MBNL1: variants seen among roughly 807,000 people sequenced by gnomAD.
MBNL1 encodes the protein muscleblind-like protein 1.
MBNL1 carries 8 observed loss-of-function variants against 42.2 expected under a neutral mutation model. The ratio of observed to expected loss-of-function variants is 0.19; its 90% confidence interval spans 0.11 to 0.34. The LOEUF (loss-of-function observed/expected upper bound fraction) is 0.34, where lower values mean the gene tolerates loss of function less well. Among genes scored for constraint, MBNL1 ranks in the 10% least tolerant of loss-of-function variants. The probability of loss-of-function intolerance (pLI) is 1.00; values close to 1 mark genes in which losing one functional copy is unlikely to be tolerated. For synonymous variants in MBNL1, 169 were observed against 173.9 expected, an observed-to-expected ratio of 0.97 and a Z score of 0.22; for missense variants, 309 against 495.3, an observed-to-expected ratio of 0.62 and a Z score of 3.57.
At chr3:152,422,013 C>T (rs1473206473) in intron 3 of MBNL1, among the ~76,000 whole-genome samples, 4 of 151,132 alleles carry the variant, frequency 2.6e-5, no homozygotes, top group Non-Finnish European at 5.9e-5. Flanking sequence ...TATGAAGAAA[C>T]TGCATCAACT....
intron 6 of MBNL1, 98 bp from the exon 7 acceptor site, chr3:152,455,444 C>T: frequency 2.0e-6 from 2 of 977,486 alleles, no homozygotes; most frequent in African/African-American, 3.2e-5. Flanking sequence ...AATTTTTCTT[C>T]TTTGTTCAAA....
intron 1 of MBNL1, among the ~76,000 whole-genome samples, chr3:152,291,456 T>C (rs1335448081): frequency 6.6e-6 from 1 of 152,250 alleles, no homozygotes; most frequent in African/African-American, 2.4e-5. Context: ...CGTTTGATGC[T>C]GGTTTCATTC....
At chr3:152,453,756 A>G (rs1005245152) in intron 6 of MBNL1, among the ~76,000 whole-genome samples, 2 of 152,212 alleles carry the variant, frequency 1.3e-5, no homozygotes, top group Non-Finnish European at 2.9e-5. Context: ...AATTCAAACT[A>G]AAATTCAAAT....
At chr3:152,321,940 T>G (rs1359208844) in intron 2 of MBNL1, among the ~76,000 whole-genome samples, 1 of 152,094 alleles carries the variant, frequency 6.6e-6, no homozygotes, top group Non-Finnish European at 1.5e-5. Flanking sequence ...AATCTGGACA[T>G]ATCAGTAATC....
intron 3 of MBNL1, among the ~76,000 whole-genome samples, chr3:152,429,761 A>C (rs758085905): frequency 9.2e-5 from 14 of 152,036 alleles, no homozygotes; most frequent in Non-Finnish European, 1.6e-4. Flanking sequence ...AATTTACAAA[A>C]ATTTAAAATA....
rs1749680447 is a variant in MBNL1 at position 152,464,948 on chromosome 3, G to A, written c.*2582G>A. 6.6e-6 allele frequency: 1 copy of A among 152,574 alleles called. No homozygotes were observed. The highest frequency in any genetic ancestry group is 2.4e-5 in the African/African-American group (1 of 41,442). The allele number at this position is 152,574 out of a possible 1,614,324, so 9.5% of individuals were successfully genotyped here. A position where few individuals can be genotyped will look rare whatever the true frequency, so the allele number is the denominator to read the frequency against. ...ACTGAGCAAAATTGCTTGCAAAAGTGGCACAGAGTTAGCACTCCATACCCC... is the reference window on the plus strand; with the variant it reads ...ACTGAGCAAAATTGCTTGCAAAAGTAGCACAGAGTTAGCACTCCATACCCC... On this transcript the variant is annotated 3_prime_UTR_variant, in exon 10 of 10. Transcript: ENST00000324210.
chr3:152,307,658 ATG>A (rs1399550863), intron 2 of MBNL1, among the ~76,000 whole-genome samples: 4 of 152,232 alleles, frequency 2.6e-5, no homozygotes, highest in African/African-American at 4.8e-5. Context: ...AGCCAGTAAA[ATG>A]TGGACTTGGA....
chr3:152,457,196 A>G (rs1338377058), intron 8 of MBNL1, among the ~76,000 whole-genome samples: 1 of 152,212 alleles, frequency 6.6e-6, no homozygotes, highest in Admixed American at 6.5e-5. Flanking sequence ...TTCTGATTCT[A>G]CTTAAAAATA....
chr3:152,260,080 G>C (rs536054784), intron 2 of MBNL1, among the ~76,000 whole-genome samples: 3 of 152,256 alleles, frequency 2.0e-5, no homozygotes, highest in Non-Finnish European at 4.4e-5. Context: ...GGAAAGACTG[G>C]AATTATGCCA....
chr3:152,335,259 G>C, intron 2 of MBNL1: 1 of 1,289,776 alleles, frequency 7.8e-7, no homozygotes, highest in Non-Finnish European at 1.0e-6. Flanking sequence ...TGGGGAGCCA[G>C]TTTGCTAAGA....
chr3:152,257,991 T>C (rs2035687705), intron 2 of MBNL1, among the ~76,000 whole-genome samples: 1 of 152,194 alleles, frequency 6.6e-6, no homozygotes, highest in African/African-American at 2.4e-5. Context: ...TAGTTATGTT[T>C]CTAAAGTTCC....
intron 9 of MBNL1, among the ~76,000 whole-genome samples, chr3:152,461,844 T>C (rs1009261252): frequency 2.0e-5 from 3 of 152,172 alleles, no homozygotes; most frequent in Non-Finnish European, 2.9e-5. Context: ...ATGATTTTTA[T>C]TTTCTTAGTT....
In MBNL1 at chr3:152,300,259, C is replaced by T. The variant is rs1157507750; in HGVS notation, c.66C>T (p.Phe22=). The stretch of plus-strand genomic sequence containing the variant: ...TAACACTGGAAGTATGTAGAGAGTT[C>T]CAGAGGGGGACTTGCTCACGGCCAG... The part of the protein sequence containing the change: ...KWLTLEVCRE[F]QRGTCSRPDT... Residue 22 remains phenylalanine (F), a synonymous_variant, in exon 2 of 10, where the codon TTC becomes TTT. Coordinates refer to ENST00000324210, the MANE Select transcript of MBNL1 (RefSeq NM_021038.5). 5 of 1,613,544 alleles carry T rather than the reference C, an allele frequency of 3.1e-6. No homozygotes were observed. The African/African-American group carries it at 6.7e-5, about 22-fold the overall frequency.
At chr3:152,390,155 A>C (rs557268947) in intron 2 of MBNL1, among the ~76,000 whole-genome samples, 1 of 151,978 alleles carries the variant, frequency 6.6e-6, no homozygotes, top group South Asian at 2.1e-4. Flanking sequence ...TTATAATTAA[A>C]AAAAAAAAAA....
At chr3:152,335,936 T>C (rs1281083973) in intron 2 of MBNL1, among the ~76,000 whole-genome samples, 1 of 152,142 alleles carries the variant, frequency 6.6e-6, no homozygotes. Flanking sequence ...CAACCCCCTC[T>C]CCTCAACTCT....
chr3:152,404,176 G>A (rs1473140393), intron 2 of MBNL1, among the ~76,000 whole-genome samples: 1 of 152,128 alleles, frequency 6.6e-6, no homozygotes, highest in African/African-American at 2.4e-5. Flanking sequence ...GAAAAAGAAA[G>A]GGTCTTTGTA....
chr3:152,261,568 T>G (rs939532997), intron 2 of MBNL1, among the ~76,000 whole-genome samples: 1 of 152,046 alleles, frequency 6.6e-6, no homozygotes, highest in African/African-American at 2.4e-5. Flanking sequence ...TCAGATAATC[T>G]CCTATCACCT....
intron 2 of MBNL1, among the ~76,000 whole-genome samples, chr3:152,260,766 T>C (rs1393330171): frequency 6.6e-6 from 1 of 152,204 alleles, no homozygotes; most frequent in African/African-American, 2.4e-5. Context: ...CTGTTTTTAA[T>C]CCTATGGACC....
intron 2 of MBNL1, among the ~76,000 whole-genome samples, chr3:152,250,620 C>T (rs2034355009): frequency 6.6e-6 from 1 of 150,844 alleles, no homozygotes; most frequent in East Asian, 1.9e-4. Context: ...TTTCCTTCTC[C>T]TGCCTAATTG....
Sources: gnomAD v4.1 joint callset for allele counts (sites outside exome capture counted in the v4.1 genomes callset) on GRCh38, gnomAD v4.1.1 for gene constraint, MANE v1.5 for transcripts, NCBI Gene and HGNC (gene_info 2026-07-23, HGNC 2026-07-21) for gene names.